PACS1: variants seen among roughly 807,000 people sequenced by gnomAD.
PACS1 encodes the protein phosphofurin acidic cluster sorting protein 1.
PACS1 carries 24 observed loss-of-function variants against 115.0 expected under a neutral mutation model. The observed-to-expected ratio is 0.21, with a 90% CI of 0.15 to 0.29. The LOEUF (loss-of-function observed/expected upper bound fraction) is 0.29. Among genes scored for constraint, PACS1 ranks in the 10% least tolerant of loss-of-function variants. PACS1 has a pLI of 1.00. For synonymous variants in PACS1, 453 were observed against 504.5 expected (o/e 0.90, Z 1.37); for missense variants, 838 against 1,251.2 (o/e 0.67, Z 4.98).
chr11:66,094,666 A>G (rs1857736549), intron 1 of PACS1, among the ~76,000 whole-genome samples: 1 of 152,232 alleles, frequency 6.6e-6, no homozygotes, highest in African/African-American at 2.4e-5. Context: ...AATCAACAGA[A>G]AAGGAGGGAA....
intron 1 of PACS1, among the ~76,000 whole-genome samples, chr11:66,169,566 A>ATTT (rs59176258): frequency 0.19 from 21,838 of 115,250 alleles, 2,949 homozygotes; most frequent in Middle Eastern, 0.31. Context: ...CGCCCGGCTA[A>ATTT]TTTTTTTTTT....
chr11:66,100,069 G>A (rs953148065), intron 1 of PACS1, among the ~76,000 whole-genome samples: 8 of 151,878 alleles, frequency 5.3e-5, no homozygotes, highest in African/African-American at 9.7e-5. Context: ...TAGTAGAGAC[G>A]TGGTCTCGCC....
At chr11:66,219,707 G>A (rs1855298263) in intron 7 of PACS1, 39 bp from the exon 8 acceptor site, 4 of 1,527,648 alleles carry the variant, frequency 2.6e-6, no homozygotes, top group Non-Finnish European at 3.6e-6. Flanking sequence ...GACCCCAAGT[G>A]GACGTTGCTG....
At chr11:66,123,381 AG>A (rs1858490814) in intron 1 of PACS1, among the ~76,000 whole-genome samples, 1 of 151,832 alleles carries the variant, frequency 6.6e-6, no homozygotes, top group African/African-American at 2.4e-5. Context: ...TAGTAGAGAC[AG>A]GGTTTTGCCA....
At position 66,219,554 on chromosome 11, in the gene PACS1, A is replaced by G. The variant is rs139470729; in HGVS notation, c.979-192A>G. On this transcript the variant is annotated intron_variant, in intron 7 of 23. Coordinates refer to ENST00000320580, the MANE Select transcript of PACS1 (RefSeq NM_018026.4). Reference sequence around the variant, plus strand: ...TTCCTTCTCCCCGCAGCTGCACCCAAGGCCCAGGAGCTACACTGGAATTTG... The same window carrying G: ...TTCCTTCTCCCCGCAGCTGCACCCAGGGCCCAGGAGCTACACTGGAATTTG... 9,523 of 695,976 alleles carry G rather than the reference A, an allele frequency of 0.014. 119 individuals carry two copies. Among genetic ancestry groups the G allele is most frequent in the South Asian group, 0.022 (1,505 of 66,994 alleles). The allele number at this position is 695,976 out of a possible 1,614,324, so 43.1% of individuals were successfully genotyped here. A position where few individuals can be genotyped will look rare whatever the true frequency, so the allele number is the denominator to read the frequency against.
At chr11:66,097,089 A>G (rs914268038) in intron 1 of PACS1, among the ~76,000 whole-genome samples, 14 of 151,784 alleles carry the variant, frequency 9.2e-5, no homozygotes, top group African/African-American at 2.7e-4. Context: ...GAAACTGCCA[A>G]TTTTTTCAAA....
chr11:66,171,585 C>T (rs1859738212), intron 1 of PACS1, among the ~76,000 whole-genome samples: 1 of 149,180 alleles, frequency 6.7e-6, no homozygotes, highest in East Asian at 1.9e-4. Context: ...CTTTTCTTTT[C>T]TTTTCTTTTT....
At chr11:66,131,413 G>T (rs1858700321) in intron 1 of PACS1, among the ~76,000 whole-genome samples, 1 of 152,016 alleles carries the variant, frequency 6.6e-6, no homozygotes, top group Non-Finnish European at 1.5e-5. Context: ...GAATGACCTG[G>T]TCATATCATT....
intron 19 of PACS1, chr11:66,238,305 C>G (rs1855743786): frequency 3.0e-6 from 3 of 985,192 alleles, no homozygotes; most frequent in Non-Finnish European, 2.4e-6. Flanking sequence ...GGCCCTCTGC[C>G]CACAGGACCT....
intron 2 of PACS1, among the ~76,000 whole-genome samples, chr11:66,207,373 A>T (rs1206892603): frequency 1.3e-5 from 2 of 152,148 alleles, no homozygotes; most frequent in Non-Finnish European, 2.9e-5. Context: ...AGGCTAAGGC[A>T]AGAGAGTCGC....
chr11:66,172,164 C>A (rs887271818), intron 1 of PACS1, among the ~76,000 whole-genome samples: 5 of 152,170 alleles, frequency 3.3e-5, no homozygotes, highest in Admixed American at 6.5e-5. Context: ...CTTTGTCCAT[C>A]ATTTATTTTT....
At chr11:66,071,493 C>G (rs563314340) in intron 1 of PACS1, among the ~76,000 whole-genome samples, 1 of 152,204 alleles carries the variant, frequency 6.6e-6, no homozygotes, top group African/African-American at 2.4e-5. Context: ...TGCCTTGTTC[C>G]TAAATTCAAT....
In PACS1 at chr11:66,216,276, C is replaced by T. The variant is rs1271493032; in HGVS notation, c.805+13C>T. 1 of 1,613,606 alleles carries T rather than the reference C, an allele frequency of 6.2e-7. No homozygotes were observed. Among genetic ancestry groups the T allele is most frequent in the African/African-American group, 1.3e-5 (1 of 74,936 alleles). ...TCCAAGCTTTCTGGTAAGAAGCATG[C>T]AGCATCTGGAGACCCTACGAAGAGG... On this transcript the variant is annotated intron_variant, in intron 5 of 23. Coordinates refer to ENST00000320580, the MANE Select transcript of PACS1 (RefSeq NM_018026.4).
intron 7 of PACS1, among the ~76,000 whole-genome samples, chr11:66,219,125 GA>G (rs1855281255): frequency 6.6e-6 from 1 of 152,016 alleles, no homozygotes. Flanking sequence ...AGAAAGACCA[GA>G]AGCAGGTGGG....
intron 17 of PACS1, among the ~76,000 whole-genome samples, chr11:66,234,744 G>C (rs1855672705): frequency 1.3e-5 from 2 of 152,164 alleles, no homozygotes; most frequent in South Asian, 4.1e-4. Flanking sequence ...GGGTATGTTG[G>C]TGTGCACCTG....
intron 2 of PACS1, among the ~76,000 whole-genome samples, chr11:66,196,880 G>C (rs1202693150): frequency 6.6e-6 from 1 of 152,140 alleles, no homozygotes. Flanking sequence ...TTACAGGCAT[G>C]AGCTACCACA....
intron 3 of PACS1, 26 bp from the exon 4 acceptor site, chr11:66,211,108 G>A (rs781392282): frequency 7.5e-5 from 121 of 1,611,638 alleles, no homozygotes; most frequent in Non-Finnish European, 9.3e-5. Flanking sequence ...CATTAACCAC[G>A]CTCGACTCTG....
At chr11:66,210,261 C>T (rs975447086) in intron 2 of PACS1, 101 bp from the exon 3 acceptor site, 1 of 864,498 alleles carries the variant, frequency 1.2e-6, no homozygotes, top group Admixed American at 1.8e-5. Flanking sequence ...GTCTCAAACT[C>T]CTGAGTCCAA....
chr11:66,219,283 A>T (rs759058570), intron 7 of PACS1, among the ~76,000 whole-genome samples: 16 of 151,176 alleles, frequency 1.1e-4, no homozygotes, highest in Non-Finnish European at 2.1e-4. Context: ...AGAAGGAGAG[A>T]CTCCAGGCGT....
Sources: gnomAD v4.1 joint callset for allele counts (sites outside exome capture counted in the v4.1 genomes callset) on GRCh38, gnomAD v4.1.1 for gene constraint, MANE v1.5 for transcripts, NCBI Gene and HGNC (gene_info 2026-07-23, HGNC 2026-07-21) for gene names.